Variants in METAP1D observed in about 807,000 individuals in gnomAD.
METAP1D encodes methionine aminopeptidase 1D, mitochondrial.
METAP1D carries 31 observed loss-of-function variants against 40.5 expected under a neutral mutation model. That is an observed-to-expected ratio of 0.77 (90% CI 0.58 to 1.03). The LOEUF is 1.03. Among genes scored for constraint, METAP1D ranks in the 50% least tolerant of loss-of-function variants. The probability of loss-of-function intolerance (pLI) is 0.00; values close to 1 mark genes in which losing one functional copy is unlikely to be tolerated. For missense variants in METAP1D, 411 were observed against 420.7 expected (o/e 0.98, Z 0.20); for synonymous variants, 151 against 146.4 (o/e 1.03, Z -0.22).
At chr2:172,036,502 A>C (rs946806379) in intron 1 of METAP1D, among the ~76,000 whole-genome samples, 3 of 149,714 alleles carry the variant, frequency 2.0e-5, no homozygotes, top group African/African-American at 7.4e-5. Flanking sequence ...AGTAGCAGGG[A>C]CTACAGGCGC....
chr2:172,032,208 G>A (rs1317296442), intron 1 of METAP1D, among the ~76,000 whole-genome samples: 2 of 152,022 alleles, frequency 1.3e-5, no homozygotes, highest in African/African-American at 4.8e-5. Context: ...TCCCACTCCC[G>A]AAATAAAAGT....
intron 3 of METAP1D, among the ~76,000 whole-genome samples, chr2:172,065,224 G>A (rs1690223294): frequency 6.6e-6 from 1 of 152,198 alleles, no homozygotes. Context: ...AACCTTTTGA[G>A]CATTTATTCA....
chr2:172,054,337 T>C (rs1291911866), intron 1 of METAP1D, among the ~76,000 whole-genome samples: 2 of 151,926 alleles, frequency 1.3e-5, no homozygotes, highest in Admixed American at 6.6e-5. Context: ...CTGGCCAACA[T>C]GGTGAAACCC....
chr2:172,002,918 T>C (rs191238894), intron 1 of METAP1D, among the ~76,000 whole-genome samples: 432 of 152,288 alleles, frequency 2.8e-3, no homozygotes, highest in Middle Eastern at 0.01. Context: ...CCTCAACTCA[T>C]TGTGGCTTTG....
intron 1 of METAP1D, among the ~76,000 whole-genome samples, chr2:172,024,098 A>T (rs985345897): frequency 1.3e-5 from 2 of 152,126 alleles, no homozygotes; most frequent in Admixed American, 6.5e-5. Flanking sequence ...TGACCTCGTG[A>T]TCCGCTCACC....
chr2:172,005,935 C>T (rs1251234546), intron 1 of METAP1D, among the ~76,000 whole-genome samples: 1 of 151,858 alleles, frequency 6.6e-6, no homozygotes, highest in Admixed American at 6.6e-5. Flanking sequence ...ATGTATACTA[C>T]AGGGCATATA....
intron 1 of METAP1D, among the ~76,000 whole-genome samples, chr2:172,025,255 A>G (rs190012351): frequency 1.3e-5 from 2 of 152,334 alleles, no homozygotes; most frequent in East Asian, 3.9e-4. Flanking sequence ...ACCACAGGAT[A>G]TATGGTGTAG....
intron 1 of METAP1D, among the ~76,000 whole-genome samples, chr2:172,060,752 A>G (rs922882382): frequency 6.6e-6 from 1 of 152,108 alleles, no homozygotes. Context: ...GAAACATTTG[A>G]GTTGTTTCCC....
At chr2:172,006,743 C>T (rs376251049) in intron 1 of METAP1D, among the ~76,000 whole-genome samples, 9 of 152,128 alleles carry the variant, frequency 5.9e-5, no homozygotes, top group African/African-American at 1.7e-4. Context: ...TGAACTCCCA[C>T]GTAGCCATCA....
intron 7 of METAP1D, 36 bp downstream of exon 7, chr2:172,077,930 G>C: frequency 8.4e-7 from 1 of 1,188,370 alleles, no homozygotes; most frequent in Non-Finnish European, 1.2e-6. Context: ...TTCTTGATCA[G>C]AGATCAAGAT....
chr2:172,005,550 T>C (rs1235490980), intron 1 of METAP1D, among the ~76,000 whole-genome samples: 1 of 88,922 alleles, frequency 1.1e-5, no homozygotes, highest in African/African-American at 3.1e-5. Context: ...ATATATCTTT[T>C]TTTTTTTTTT....
chr2:172,058,939 A>G (rs1690061814), intron 1 of METAP1D, among the ~76,000 whole-genome samples: 1 of 152,068 alleles, frequency 6.6e-6, no homozygotes, highest in African/African-American at 2.4e-5. Flanking sequence ...CGTTTTCATT[A>G]TGTTTCACAG....
intron 1 of METAP1D, among the ~76,000 whole-genome samples, chr2:172,059,449 A>C (rs1013172268): frequency 3.3e-5 from 5 of 152,098 alleles, no homozygotes; most frequent in Non-Finnish European, 7.4e-5. Context: ...CAAAGAGTAC[A>C]TTTTTTAGGC....
intron 1 of METAP1D, among the ~76,000 whole-genome samples, chr2:172,052,278 C>A (rs956736114): frequency 1.3e-5 from 2 of 152,122 alleles, no homozygotes; most frequent in Non-Finnish European, 2.9e-5. Flanking sequence ...TGAAACAGAT[C>A]CACTTTTCTC....
chr2:172,024,760 G>GTGTGTGTGTGTA (rs1689088020), intron 1 of METAP1D, among the ~76,000 whole-genome samples: 4 of 140,002 alleles, frequency 2.9e-5, no homozygotes, highest in African/African-American at 5.2e-5. Flanking sequence ...GTGTGTGTGT[G>GTGTGTGTGTGTA]TGTGTGTGTG....
intron 7 of METAP1D, among the ~76,000 whole-genome samples, chr2:172,078,525 G>A (rs1690606490): frequency 6.6e-6 from 1 of 152,212 alleles, no homozygotes; most frequent in Non-Finnish European, 1.5e-5. Flanking sequence ...GTCCACACCT[G>A]GACGGGGATC....
chr2:172,037,841 A>G (rs772914935), intron 1 of METAP1D, among the ~76,000 whole-genome samples: 13 of 152,152 alleles, frequency 8.5e-5, no homozygotes, highest in Non-Finnish European at 1.2e-4. Context: ...TTCTGGTGCT[A>G]ACAGTTAGGA....
intron 1 of METAP1D, among the ~76,000 whole-genome samples, chr2:172,039,640 G>A (rs1261618286): frequency 6.6e-6 from 1 of 151,768 alleles, no homozygotes; most frequent in Non-Finnish European, 1.5e-5. Flanking sequence ...TTGTGGGGTG[G>A]GGGTGATGGA....
intron 1 of METAP1D, among the ~76,000 whole-genome samples, chr2:172,034,107 C>T (rs932437986): frequency 9.6e-5 from 14 of 146,516 alleles, no homozygotes; most frequent in Non-Finnish European, 1.8e-4. Flanking sequence ...AAGTCCTCAT[C>T]TTTTGGATGT....
Sources: allele counts gnomAD v4.1 joint callset (sites outside exome capture counted in the v4.1 genomes callset), GRCh38; gene constraint gnomAD v4.1.1; transcripts MANE v1.5; gene names NCBI Gene and HGNC (gene_info 2026-07-23, HGNC 2026-07-21).